RALGPS2: variants seen among roughly 807,000 people sequenced by gnomAD.
RALGPS2 encodes the protein ras-specific guanine nucleotide-releasing factor RalGPS2.
A neutral mutation model predicts 86.8 loss-of-function variants in RALGPS2; 43 were observed. The observed-to-expected ratio is 0.50, with a 90% CI of 0.39 to 0.64. The LOEUF (loss-of-function observed/expected upper bound fraction) is 0.64, where lower values mean the gene tolerates loss of function less well. RALGPS2 is among the 30% of genes least tolerant of loss of function. RALGPS2 has a pLI of 0.00. For missense variants in RALGPS2, 536 were observed against 694.6 expected (o/e 0.77, Z 2.57); for synonymous variants, 243 against 231.3 (o/e 1.05, Z -0.46).
intron 1 of RALGPS2, chr1:178,746,823 C>T (rs1016242180): frequency 8.7e-7 from 1 of 1,145,760 alleles, no homozygotes; most frequent in African/African-American, 1.5e-5. Context: ...TTGTTCTCCT[C>T]CATTGTATCT....
chr1:178,817,912 C>T (rs1655313647), intron 6 of RALGPS2, among the ~76,000 whole-genome samples: 1 of 152,140 alleles, frequency 6.6e-6, no homozygotes, highest in East Asian at 1.9e-4. Flanking sequence ...CATATGCAGT[C>T]GTGTTACCTG....
intron 1 of RALGPS2, 73 bp from the exon 2 acceptor site, chr1:178,776,609 A>G (rs1015054502): frequency 3.6e-5 from 18 of 495,188 alleles, no homozygotes; most frequent in African/African-American, 1.8e-4. Context: ...GTTTCTTGGC[A>G]TGGTGGTAGG....
chr1:178,897,640 T>A, intron 16 of RALGPS2, 24 bp from the exon 17 acceptor site: 1 of 1,563,334 alleles, frequency 6.4e-7, no homozygotes, highest in South Asian at 1.1e-5. Context: ...TGTAATAGTA[T>A]ATTCCTGTGT....
chr1:178,779,065 A>G (rs918358390), intron 2 of RALGPS2, among the ~76,000 whole-genome samples: 2 of 152,170 alleles, frequency 1.3e-5, no homozygotes, highest in Non-Finnish European at 2.9e-5. Flanking sequence ...GCAAAGAAAG[A>G]TTCTTTTACT....
intron 1 of RALGPS2, among the ~76,000 whole-genome samples, chr1:178,760,005 A>T (rs1652155232): frequency 6.6e-6 from 1 of 152,150 alleles, no homozygotes; most frequent in African/African-American, 2.4e-5. Flanking sequence ...GGTTTTTCCA[A>T]AAATAAGATA....
At chr1:178,811,227 C>A in intron 5 of RALGPS2, 88 bp from the exon 6 acceptor site, 2 of 983,864 alleles carry the variant, frequency 2.0e-6, no homozygotes, top group South Asian at 1.7e-5. Flanking sequence ...TAGAGCTTAC[C>A]TAATTCTGCC....
chr1:178,828,857 TATGGAG>T (rs1443895378), intron 7 of RALGPS2, among the ~76,000 whole-genome samples: 2 of 152,154 alleles, frequency 1.3e-5, no homozygotes, highest in Non-Finnish European at 2.9e-5. Flanking sequence ...TGGAAAACAG[TATGGAG>T]ATTCCCCCAA....
intron 4 of RALGPS2, among the ~76,000 whole-genome samples, chr1:178,800,991 ATC>A (rs1270808061): frequency 6.6e-6 from 1 of 150,886 alleles, no homozygotes; most frequent in East Asian, 2.0e-4. Context: ...CAGTGGCGTG[ATC>A]TCAGCTCACT....
chr1:178,808,632 G>T (rs376959559), intron 5 of RALGPS2, among the ~76,000 whole-genome samples: 2 of 152,032 alleles, frequency 1.3e-5, no homozygotes, highest in African/African-American at 4.8e-5. Flanking sequence ...TTGAAAGCTC[G>T]TGTCTGTTTA....
chr1:178,786,875 T>C (rs1210142288), intron 4 of RALGPS2, among the ~76,000 whole-genome samples: 1 of 152,030 alleles, frequency 6.6e-6, no homozygotes, highest in Non-Finnish European at 1.5e-5. Flanking sequence ...GTATTAGTCC[T>C]GTGATTTTCA....
At chr1:178,840,537 C>A (rs1033654565) in intron 8 of RALGPS2, among the ~76,000 whole-genome samples, 3 of 152,104 alleles carry the variant, frequency 2.0e-5, no homozygotes, top group African/African-American at 7.2e-5. Flanking sequence ...TAAATGCCCA[C>A]AAGAGAAAGC....
At chr1:178,788,910 T>C (rs1023918275) in intron 4 of RALGPS2, among the ~76,000 whole-genome samples, 13 of 151,290 alleles carry the variant, frequency 8.6e-5, no homozygotes, top group East Asian at 5.8e-4. Context: ...TCTTCTTCTT[T>C]TTTCTTTTTT....
At chr1:178,733,820 C>A (rs1004970013) in intron 1 of RALGPS2, among the ~76,000 whole-genome samples, 1 of 152,110 alleles carries the variant, frequency 6.6e-6, no homozygotes, top group East Asian at 1.9e-4. Context: ...AGGATTCTTA[C>A]GTATGACACA....
chr1:178,886,502 G>C (rs1386638031), intron 13 of RALGPS2, among the ~76,000 whole-genome samples: 3 of 152,182 alleles, frequency 2.0e-5, no homozygotes, highest in Admixed American at 2.0e-4. Flanking sequence ...TAATCTGTGG[G>C]CAGTGAAGCG....
intron 10 of RALGPS2, 48 bp downstream of exon 10, chr1:178,879,040 C>T (rs201761689): frequency 1.3e-6 from 2 of 1,593,826 alleles, no homozygotes; most frequent in East Asian, 2.3e-5. Flanking sequence ...TCCTGTCCTC[C>T]ACCTTTCTAT....
intron 13 of RALGPS2, 139 bp downstream of exon 13, chr1:178,886,259 G>A: frequency 2.5e-6 from 2 of 815,490 alleles, no homozygotes; most frequent in Middle Eastern, 6.8e-4. Flanking sequence ...ATGGGATGAA[G>A]TTAATAATTT....
At chr1:178,903,520 A>G (rs1660264079) in intron 18 of RALGPS2, among the ~76,000 whole-genome samples, 2 of 152,016 alleles carry the variant, frequency 1.3e-5, no homozygotes, top group African/African-American at 4.8e-5. Flanking sequence ...TTTCTCCCCA[A>G]GTCCCCAAAG....
intron 1 of RALGPS2, among the ~76,000 whole-genome samples, chr1:178,762,554 G>A (rs760424143): frequency 1.2e-4 from 18 of 152,142 alleles, no homozygotes; most frequent in Non-Finnish European, 1.9e-4. Context: ...CGTTCTGACT[G>A]GTATGAGATG....
chr1:178,791,266 A>G (rs12120622), intron 4 of RALGPS2, among the ~76,000 whole-genome samples: 5,224 of 150,092 alleles, frequency 0.035, 114 homozygotes, highest in Non-Finnish European at 0.05. Flanking sequence ...GACTAAAGGC[A>G]TACACCACCA....
Sources: allele counts gnomAD v4.1 joint callset (sites outside exome capture counted in the v4.1 genomes callset), GRCh38; gene constraint gnomAD v4.1.1; transcripts MANE v1.5; gene names NCBI Gene and HGNC (gene_info 2026-07-23, HGNC 2026-07-21).